The following SPEF2 variants were observed in gnomAD, a reference collection of about 807,000 sequenced individuals.
SPEF2 encodes sperm flagellar and cilia associated 2.
SPEF2 carries 187 observed loss-of-function variants against 224.6 expected under a neutral mutation model. The ratio of observed to expected loss-of-function variants is 0.83; its 90% CI spans 0.74 to 0.94. The LOEUF is 0.94. SPEF2 is among the 40% of genes least tolerant of loss of function. SPEF2 has a pLI of 0.00. For synonymous variants in SPEF2, 715 were observed against 707.3 expected, an observed-to-expected ratio of 1.01 and a Z score of -0.17; for missense variants, 2,170 against 2,135.6, an observed-to-expected ratio of 1.02 and a Z score of -0.32.
chr5:35,798,657 G>T (rs760133698), intron 33 of SPEF2, among the ~76,000 whole-genome samples: 1 of 151,892 alleles, frequency 6.6e-6, no homozygotes, highest in Non-Finnish European at 1.5e-5. Context: ...GCAGTGGCAC[G>T]ATCTCAGCTC....
intron 3 of SPEF2, among the ~76,000 whole-genome samples, chr5:35,642,272 G>A (rs1313771915): frequency 6.6e-6 from 1 of 152,056 alleles, no homozygotes; most frequent in Non-Finnish European, 1.5e-5. Context: ...TTTCTTCTAT[G>A]TTAATTGACA....
intron 14 of SPEF2, 76 bp from the exon 15 acceptor site, chr5:35,697,614 T>A: frequency 8.3e-7 from 1 of 1,204,912 alleles, no homozygotes; most frequent in South Asian, 1.4e-5. Flanking sequence ...GGTCATTTAA[T>A]TAACTTTTCC....
Position 35,811,711 on chromosome 5 carries a change from A to ATAC in SPEF2, c.5380-2738_5380-2736dup, listed in dbSNP as rs141682588. Among the ~76,000 whole-genome samples the ATAC allele has an allele frequency of 5.6e-3, 850 of 151,588 alleles. 4 individuals are homozygous for ATAC. The highest frequency in any genetic ancestry group is 6.6e-3 in the Non-Finnish European group (446 of 67,940). Reference sequence around the variant, plus strand: ...ATAGAAAGCACTCAATATATATGAGATACTACTACTACTACTATTAGGTTC... The same window carrying ATAC: ...ATAGAAAGCACTCAATATATATGAGATACTACTACTACTACTACTATTAGGTTC... On this transcript the variant is annotated intron_variant, in intron 36 of 36. Transcript: ENST00000356031.
chr5:35,635,119 C>T (rs966109741), intron 2 of SPEF2, among the ~76,000 whole-genome samples: 3 of 151,948 alleles, frequency 2.0e-5, no homozygotes, highest in Non-Finnish European at 4.4e-5. Context: ...CATTTTTCTT[C>T]ATGCTTTTTT....
chr5:35,805,243 A>C (rs1444975528), intron 34 of SPEF2, among the ~76,000 whole-genome samples: 2 of 152,154 alleles, frequency 1.3e-5, no homozygotes, highest in East Asian at 3.8e-4. Context: ...CCAACTTAAC[A>C]ATGGATATAG....
intron 28 of SPEF2, among the ~76,000 whole-genome samples, chr5:35,774,933 A>G (rs1753396851): frequency 6.6e-6 from 1 of 152,174 alleles, no homozygotes; most frequent in Non-Finnish European, 1.5e-5. Context: ...CCTGCCCTGC[A>G]TCTGATTTCA....
intron 23 of SPEF2, among the ~76,000 whole-genome samples, chr5:35,743,498 A>G (rs1218566902): frequency 1.3e-5 from 2 of 152,204 alleles, no homozygotes; most frequent in African/African-American, 4.8e-5. Flanking sequence ...CAAAGATATG[A>G]TAACATTTTT....
intron 2 of SPEF2, among the ~76,000 whole-genome samples, chr5:35,635,313 C>G (rs1745681562): frequency 6.6e-6 from 1 of 152,136 alleles, no homozygotes; most frequent in African/African-American, 2.4e-5. Flanking sequence ...TATTGATACT[C>G]TCTTATTGTT....
At position 35,814,569 on chromosome 5, in the gene SPEF2, A is replaced by AT. The variant is rs772630792; in HGVS notation, c.*23dup. 7.8e-5 allele frequency: 118 copies of AT among 1,521,084 alleles called. 2 individuals carry two copies. Among genetic ancestry groups the AT allele is most frequent in the South Asian group, 6.4e-4 (53 of 82,906 alleles). 94.2% of individuals were successfully genotyped at this position (1,521,084 alleles called of 1,614,324 possible). On this transcript the variant is annotated 3_prime_UTR_variant, in exon 37 of 37. Coordinates refer to ENST00000356031, the MANE Select transcript of SPEF2 (RefSeq NM_024867.4). ...AAAGAAATGAAGACAAAAGAGTGTG[A>AT]TTTTTTTAATTCTGCAATAAATCTT...
At chr5:35,784,036 A>C (rs1754724341) in intron 30 of SPEF2, among the ~76,000 whole-genome samples, 2 of 152,096 alleles carry the variant, frequency 1.3e-5, no homozygotes, top group Non-Finnish European at 2.9e-5. Flanking sequence ...CTTTTTCTTC[A>C]AAAGATGCAG....
chr5:35,774,261 C>T (rs569649712), intron 28 of SPEF2, among the ~76,000 whole-genome samples: 2 of 152,076 alleles, frequency 1.3e-5, no homozygotes, highest in African/African-American at 4.8e-5. Flanking sequence ...GACACGATCT[C>T]AAAAAGAACC....
intron 26 of SPEF2, chr5:35,764,519 A>G (rs1409959343): frequency 2.2e-6 from 1 of 454,432 alleles, no homozygotes; most frequent in Admixed American, 2.4e-5. Flanking sequence ...CAGGTGATCA[A>G]TTGCTATTCC....
intron 6 of SPEF2, among the ~76,000 whole-genome samples, chr5:35,653,411 A>T (rs1462464980): frequency 6.6e-6 from 1 of 152,210 alleles, no homozygotes; most frequent in Non-Finnish European, 1.5e-5. Flanking sequence ...CTGAGAGTTG[A>T]TAGAGTAACT....
At chr5:35,736,185 T>C (rs1365476681) in intron 21 of SPEF2, among the ~76,000 whole-genome samples, 1 of 152,210 alleles carries the variant, frequency 6.6e-6, no homozygotes. Flanking sequence ...ACCAAGTCAA[T>C]GCAGTCTTTT....
intron 20 of SPEF2, among the ~76,000 whole-genome samples, chr5:35,725,514 C>T (rs928198431): frequency 6.6e-6 from 1 of 152,136 alleles, no homozygotes; most frequent in Non-Finnish European, 1.5e-5. Context: ...ATCCTTTCAC[C>T]TCCCTGAGGA....
rs1751953572 is a variant in SPEF2 at position 35,765,373 on chromosome 5, C to T, written c.3801+1671C>T. Among the ~76,000 whole-genome samples the T allele has an allele frequency of 2.6e-5, 4 of 152,192 alleles. No individual in the cohort carries two copies. The South Asian group carries it at 6.2e-4, about 24-fold the overall frequency. ...TACCTTTGGGTTTCCAATTTGGTGT[C>T]GGTATGGATACTGCTGCTATGAATG... is the stretch of plus-strand genomic sequence containing the variant. On this transcript the variant is annotated intron_variant, in intron 26 of 36. Transcript: ENST00000356031.
At position 35,740,192 on chromosome 5, in the gene SPEF2, G is replaced by A; in HGVS notation, c.3255G>A (p.Gln1085=). Residue 1085 remains glutamine, a synonymous_variant, in exon 23 of 37, where the codon CAG becomes CAA. Transcript: ENST00000356031. ...AGCAAGATTTTGTAGCTCAATGGCA[G>A]GCTGATTTCAACTCCCTTCCTGATG... is the stretch of plus-strand genomic sequence containing the variant. ...DHKQDFVAQW[Q]ADFNSLPDDL... is the part of the protein sequence containing the mutation. 6.2e-7 allele frequency: 1 copy of A among 1,614,076 alleles called. No individual in the cohort carries two copies. Among genetic ancestry groups the A allele is most frequent in the Middle Eastern group, 1.6e-4 (1 of 6,062 alleles).
chr5:35,708,616 T>A (rs368614270), intron 18 of SPEF2, among the ~76,000 whole-genome samples: 10 of 834 alleles, frequency 0.012, no homozygotes, highest in East Asian at 0.048. Context: ...CTTCACCACC[T>A]CTACCTCCAC....
chr5:35,680,595 TC>T (rs900708470), intron 10 of SPEF2, among the ~76,000 whole-genome samples: 7 of 152,254 alleles, frequency 4.6e-5, no homozygotes, highest in African/African-American at 1.7e-4. Context: ...GATCCTTCCC[TC>T]CCACTGTTCA....
Sources: allele counts gnomAD v4.1 joint callset (sites outside exome capture counted in the v4.1 genomes callset), GRCh38; gene constraint gnomAD v4.1.1; transcripts MANE v1.5; gene names NCBI Gene and HGNC (gene_info 2026-07-23, HGNC 2026-07-21).